The following KCTD18 variants were observed in gnomAD, a reference collection of about 807,000 sequenced individuals.
KCTD18 encodes the protein BTB/POZ domain-containing protein KCTD18.
In KCTD18, 22 loss-of-function variants were observed where a neutral mutation model predicts 30.4. The observed-to-expected ratio is 0.72, with a 90% CI of 0.52 to 1.03. The LOEUF (loss-of-function observed/expected upper bound fraction) is 1.03. KCTD18 is among the 50% of genes least tolerant of loss of function. KCTD18 has a pLI of 0.00. For missense variants in KCTD18, 529 were observed against 547.6 expected (o/e 0.97, Z 0.34); for synonymous variants, 186 against 209.0 (o/e 0.89, Z 0.95).
intron 2 of KCTD18, among the ~76,000 whole-genome samples, chr2:200,506,178 C>G (rs74454061): frequency 0.01 from 1,545 of 152,270 alleles, 10 homozygotes; most frequent in Non-Finnish European, 0.017. Flanking sequence ...AAGAGTGGGT[C>G]TGGGGCTCAT....
At chr2:200,497,116 T>A (rs1388686482) in intron 5 of KCTD18, 3 of 152,146 alleles carry the variant, frequency 2.0e-5, no homozygotes. Flanking sequence ...GGTTGTTAAT[T>A]AAGAAAAAAA....
chr2:200,499,702 A>G (rs1451470573), intron 3 of KCTD18, among the ~76,000 whole-genome samples: 2 of 151,794 alleles, frequency 1.3e-5, no homozygotes, highest in East Asian at 1.9e-4. Flanking sequence ...CCAGAGGTAC[A>G]AGGAGGAACT....
chr2:200,502,486 T>C (rs1296569373), intron 3 of KCTD18, among the ~76,000 whole-genome samples: 1 of 152,158 alleles, frequency 6.6e-6, no homozygotes, highest in African/African-American at 2.4e-5. Context: ...ACCAGATTGA[T>C]TTTACTTTTA....
chr2:200,507,676 T>G (rs778363070), intron 1 of KCTD18, among the ~76,000 whole-genome samples: 1 of 152,206 alleles, frequency 6.6e-6, no homozygotes, highest in African/African-American at 2.4e-5. Flanking sequence ...CATAATGATA[T>G]AAATTTAACC....
chr2:200,508,357 T>C (rs1381091691), intron 1 of KCTD18, among the ~76,000 whole-genome samples: 1 of 152,204 alleles, frequency 6.6e-6, no homozygotes, highest in Non-Finnish European at 1.5e-5. Context: ...CCCAAAGTGC[T>C]GAGATTACAG....
chr2:200,505,874 A>T (rs1487214392), intron 2 of KCTD18, among the ~76,000 whole-genome samples: 1 of 151,120 alleles, frequency 6.6e-6, no homozygotes, highest in Non-Finnish European at 1.5e-5. Context: ...AAAAAAAAAA[A>T]GAGAGAAAAA....
At chr2:200,505,036 G>C in intron 2 of KCTD18, 77 bp from the exon 3 acceptor site, 1 of 1,052,428 alleles carries the variant, frequency 9.5e-7, no homozygotes, top group South Asian at 1.5e-5. Context: ...AACTAGGTCT[G>C]AGGACCTCTA....
chr2:200,495,888 C>T (rs1030503007), intron 5 of KCTD18: 1 of 151,558 alleles, frequency 6.6e-6, no homozygotes, highest in Non-Finnish European at 1.5e-5. Flanking sequence ...TTGTGTTTAA[C>T]ATTTATGCCT....
intron 1 of KCTD18, among the ~76,000 whole-genome samples, chr2:200,507,985 T>C (rs970731843): frequency 2.6e-5 from 4 of 152,158 alleles, no homozygotes; most frequent in Non-Finnish European, 5.9e-5. Flanking sequence ...GAGATCAGAA[T>C]TCTATGTAGA....
intron 5 of KCTD18, chr2:200,495,767 T>A (rs992938276): frequency 1.3e-5 from 2 of 152,098 alleles, no homozygotes; most frequent in Non-Finnish European, 2.9e-5. Context: ...AAACTTTCTT[T>A]CTATTAAGGA....
chr2:200,495,103 A>G (rs564828508), intron 5 of KCTD18, among the ~76,000 whole-genome samples: 14 of 152,316 alleles, frequency 9.2e-5, no homozygotes, highest in Non-Finnish European at 1.2e-4. Context: ...CCTGGAAAAT[A>G]TAGAAAAGTA....
intron 3 of KCTD18, among the ~76,000 whole-genome samples, chr2:200,502,363 C>A (rs1339187625): frequency 6.6e-6 from 1 of 151,934 alleles, no homozygotes; most frequent in South Asian, 2.1e-4. Context: ...TTTCTTTTCC[C>A]TTTAGAGTAA....
chr2:200,507,905 C>T (rs1193307259), intron 1 of KCTD18, among the ~76,000 whole-genome samples: 1 of 152,082 alleles, frequency 6.6e-6, no homozygotes, highest in African/African-American at 2.4e-5. Context: ...AACTCCTGGG[C>T]TCAAGCAATC....
chr2:200,496,740 T>C (rs1247616538), intron 5 of KCTD18: 1 of 152,420 alleles, frequency 6.6e-6, no homozygotes, highest in East Asian at 1.9e-4. Context: ...GTGATCCACC[T>C]GCCTCGGCCT....
intron 1 of KCTD18, among the ~76,000 whole-genome samples, chr2:200,509,092 A>G (rs546450909): frequency 1.3e-5 from 2 of 152,284 alleles, no homozygotes; most frequent in South Asian, 4.1e-4. Flanking sequence ...CTGAATGCTT[A>G]TTATGTGCCA....
In KCTD18 at chr2:200,497,796, C is replaced by T. The variant is rs758627185; in HGVS notation, c.618G>A (p.Glu206=). ...CAAAGGCATCCATCATTTTCTTCAA[C>T]TCTGCTACTGAATAATAGCTCCAAA... ...QYIWSYYSVA[E]LKKMMDAFDA... is the part of the protein sequence containing the mutation. Residue 206 remains glutamate (E), a synonymous_variant, in exon 5 of 7, where the codon GAG becomes GAA. Transcript: ENST00000359878. The T allele has an allele frequency of 7.4e-6, 12 of 1,612,830 alleles. No individual in the cohort carries two copies. The highest frequency in any genetic ancestry group is 1.0e-5 in the Non-Finnish European group (12 of 1,179,396).
chr2:200,498,676 T>A (rs1324577837), intron 4 of KCTD18, among the ~76,000 whole-genome samples: 1 of 152,216 alleles, frequency 6.6e-6, no homozygotes, highest in Non-Finnish European at 1.5e-5. Context: ...CACTAGATCA[T>A]GCAGATGGCA....
intron 5 of KCTD18, 168 bp downstream of exon 5, chr2:200,497,585 G>A: frequency 1.7e-6 from 1 of 582,874 alleles, no homozygotes; most frequent in Non-Finnish European, 3.0e-6. Context: ...CAACTCATGG[G>A]ATTTAAAGAT....
intron 5 of KCTD18, among the ~76,000 whole-genome samples, chr2:200,493,672 CA>C (rs2087955864): frequency 6.6e-6 from 1 of 152,138 alleles, no homozygotes; most frequent in Non-Finnish European, 1.5e-5. Context: ...GAAATGATGA[CA>C]ATAATAGTAT....
Sources: allele counts gnomAD v4.1 joint callset (sites outside exome capture counted in the v4.1 genomes callset), GRCh38; gene constraint gnomAD v4.1.1; transcripts MANE v1.5; gene names NCBI Gene and HGNC (gene_info 2026-07-23, HGNC 2026-07-21).